PCDH7: variants seen among roughly 807,000 people sequenced by gnomAD.
The protein encoded by PCDH7 is protocadherin-7.
PCDH7 carries 17 observed loss-of-function variants against 58.9 expected under a neutral mutation model. That is an observed-to-expected ratio of 0.29 (90% CI 0.20 to 0.43). The LOEUF is 0.43. Among genes scored for constraint, PCDH7 ranks in the 20% least tolerant of loss-of-function variants. PCDH7 has a pLI of 1.00. For synonymous variants in PCDH7, 664 were observed against 616.4 expected, an observed-to-expected ratio of 1.08 and a Z score of -1.14; for missense variants, 1,274 against 1,441.0, an observed-to-expected ratio of 0.88 and a Z score of 1.88.
intron 1 of PCDH7, among the ~76,000 whole-genome samples, chr4:30,906,289 G>A (rs1464381172): frequency 6.6e-6 from 1 of 152,094 alleles, no homozygotes; most frequent in Non-Finnish European, 1.5e-5. Context: ...CAACTGAAAA[G>A]AATAGTAAAT....
chr4:31,048,761 GT>G (rs1294122118), intron 3 of PCDH7, among the ~76,000 whole-genome samples: 3 of 152,002 alleles, frequency 2.0e-5, no homozygotes, highest in Admixed American at 2.0e-4. Context: ...TGTAAGTAAG[GT>G]TGCTATTGCC....
intron 3 of PCDH7, among the ~76,000 whole-genome samples, chr4:31,069,041 C>CTG (rs1758325648): frequency 1.3e-5 from 2 of 151,758 alleles, no homozygotes; most frequent in African/African-American, 4.8e-5. Context: ...TTCTTAATAT[C>CTG]TGTGTGTGTG....
At chr4:31,049,091 T>C (rs997944386) in intron 3 of PCDH7, among the ~76,000 whole-genome samples, 2 of 152,128 alleles carry the variant, frequency 1.3e-5, no homozygotes, top group Non-Finnish European at 2.9e-5. Context: ...GTTGATATGC[T>C]GCACCCATTA....
chr4:30,899,254 T>C (rs1054831624), intron 1 of PCDH7, among the ~76,000 whole-genome samples: 1 of 152,178 alleles, frequency 6.6e-6, no homozygotes, highest in Non-Finnish European at 1.5e-5. Context: ...TCACATTGAA[T>C]ATACCAAAGT....
At chr4:30,809,579 A>G (rs1251979627) in intron 1 of PCDH7, among the ~76,000 whole-genome samples, 1 of 152,208 alleles carries the variant, frequency 6.6e-6, no homozygotes, top group Non-Finnish European at 1.5e-5. Context: ...CAGGTTTCTG[A>G]AATAGGACAA....
intron 3 of PCDH7, among the ~76,000 whole-genome samples, chr4:31,044,677 A>G (rs1297321005): frequency 6.6e-6 from 1 of 152,082 alleles, no homozygotes; most frequent in Non-Finnish European, 1.5e-5. Context: ...AGTGAAACAG[A>G]CAAAAATGTG....
chr4:31,029,603 A>T (rs1754730069), intron 3 of PCDH7, among the ~76,000 whole-genome samples: 1 of 152,220 alleles, frequency 6.6e-6, no homozygotes. Flanking sequence ...GGAAGTTTAT[A>T]GAGGACTTTG....
intron 3 of PCDH7, among the ~76,000 whole-genome samples, chr4:31,135,945 T>C (rs1204102583): frequency 6.6e-6 from 1 of 152,188 alleles, no homozygotes; most frequent in African/African-American, 2.4e-5. Context: ...ATGTCAAAAA[T>C]TATTATAGGT....
intron 1 of PCDH7, among the ~76,000 whole-genome samples, chr4:30,794,848 A>T (rs1020575000): frequency 3.3e-5 from 5 of 152,170 alleles, no homozygotes; most frequent in Admixed American, 3.3e-4. Context: ...AAGATGTGTT[A>T]CCTACATTTC....
rs1733661969 is a variant in PCDH7 at position 30,857,710 on chromosome 4, C to T, written c.71-62443C>T. On this transcript the variant is annotated intron_variant, in intron 1 of 3. Transcript: ENST00000509759. ...GTTCATTAAGTGTGTTTTCCTCTAC[C>T]TCATACTGACCTTTTGCACCAGTTC... Among the ~76,000 whole-genome samples the T allele has an allele frequency of 2.6e-5, 4 of 152,158 alleles. No individual in the cohort carries two copies. The South Asian group carries it at 8.3e-4, about 32-fold the overall frequency.
intron 3 of PCDH7, among the ~76,000 whole-genome samples, chr4:31,059,906 T>C (rs1057185539): frequency 4.0e-5 from 6 of 151,766 alleles, no homozygotes; most frequent in African/African-American, 1.4e-4. Flanking sequence ...CTAATCTATG[T>C]TCATTCTACA....
At chr4:31,136,400 T>G (rs898637064) in intron 3 of PCDH7, among the ~76,000 whole-genome samples, 1 of 152,224 alleles carries the variant, frequency 6.6e-6, no homozygotes, top group African/African-American at 2.4e-5. Flanking sequence ...GGAATCACAC[T>G]GAGCAATACT....
chr4:30,885,850 T>A (rs952829048), intron 1 of PCDH7, among the ~76,000 whole-genome samples: 1 of 152,098 alleles, frequency 6.6e-6, no homozygotes, highest in African/African-American at 2.4e-5. Context: ...TTGACAAACC[T>A]GAGAAAAACA....
intron 3 of PCDH7, among the ~76,000 whole-genome samples, chr4:31,118,726 A>G (rs1717293930): frequency 6.6e-6 from 1 of 152,188 alleles, no homozygotes; most frequent in African/African-American, 2.4e-5. Flanking sequence ...CAATAGTGAT[A>G]CTTATGTAAG....
intron 1 of PCDH7, among the ~76,000 whole-genome samples, chr4:30,756,247 A>G (rs1719289763): frequency 6.6e-6 from 1 of 151,962 alleles, no homozygotes; most frequent in East Asian, 1.9e-4. Flanking sequence ...AGAACTCACT[A>G]CCTCAAGAAT....
intron 1 of PCDH7, among the ~76,000 whole-genome samples, chr4:30,874,777 C>T (rs1433918834): frequency 6.6e-6 from 1 of 150,988 alleles, no homozygotes; most frequent in Non-Finnish European, 1.5e-5. Flanking sequence ...GAATTTTAAA[C>T]TATCTTCTCC....
At chr4:31,115,695 T>A in intron 3 of PCDH7, among the ~76,000 whole-genome samples, 1 of 152,204 alleles carries the variant, frequency 6.6e-6, no homozygotes, top group Non-Finnish European at 1.5e-5. Context: ...AAAATACGTA[T>A]TCTGTGCTTT....
chr4:31,048,889 A>G (rs1756508759), intron 3 of PCDH7, among the ~76,000 whole-genome samples: 1 of 152,160 alleles, frequency 6.6e-6, no homozygotes, highest in Admixed American at 6.6e-5. Flanking sequence ...GTAAAAGGAC[A>G]AATTGCCCTT....
downstream of PCDH7, among the ~76,000 whole-genome samples, chr4:30,736,535 A>ATTTTTT (rs35719962): frequency 1.5e-5 from 2 of 134,580 alleles, no homozygotes; most frequent in African/African-American, 2.9e-5. Context: ...ATTTTCATTT[A>ATTTTTT]TTTTTTTTTT....
Sources: gnomAD v4.1 joint callset for allele counts (sites outside exome capture counted in the v4.1 genomes callset) on GRCh38, gnomAD v4.1.1 for gene constraint, MANE v1.5 for transcripts, NCBI Gene and HGNC (gene_info 2026-07-23, HGNC 2026-07-21) for gene names.